Variants in CADM1 observed in about 807,000 individuals in gnomAD.
CADM1 encodes cell adhesion molecule 1, also known as TSLC-1.
CADM1 carries 15 observed loss-of-function variants against 53.1 expected under a neutral mutation model. The ratio of observed to expected loss-of-function variants is 0.28; its 90% CI spans 0.19 to 0.44. The LOEUF (loss-of-function observed/expected upper bound fraction) is 0.44. CADM1 is among the 20% of genes least tolerant of loss of function. The pLI, the probability that CADM1 is intolerant of heterozygous loss-of-function variation, is 1.00. For synonymous variants in CADM1, 281 were observed against 243.0 expected (o/e 1.16, Z -1.45); for missense variants, 434 against 611.3 (o/e 0.71, Z 3.06).
chr11:115,442,887 CA>C (rs1236986286), intron 1 of CADM1, among the ~76,000 whole-genome samples: 1 of 152,166 alleles, frequency 6.6e-6, no homozygotes, highest in Admixed American at 6.6e-5. Flanking sequence ...ACAAGGTTCC[CA>C]GCCAAAAGAA....
In CADM1 at chr11:115,174,515, A is replaced by G. The variant is rs986239576; in HGVS notation, c.*1959T>C. ...AGGGGTAAATAAAATGCTGCTCGAT[A>G]ATGGATTTTCTTTTACATACCAGTC... On this transcript the variant is annotated 3_prime_UTR_variant, in exon 12 of 12. Transcript: ENST00000331581. 2 of 985,600 alleles carry G rather than the reference A, an allele frequency of 2.0e-6. No homozygotes were observed. The highest frequency in any genetic ancestry group is 3.5e-5 in the African/African-American group (2 of 57,196). The allele number at this position is 985,600 out of a possible 1,614,324, so 61.1% of individuals were successfully genotyped here. A position where few individuals can be genotyped will look rare whatever the true frequency, so the allele number is the denominator to read the frequency against.
intron 1 of CADM1, chr11:115,397,632 A>G (rs1005022854): frequency 6.6e-6 from 1 of 152,220 alleles, no homozygotes; most frequent in Non-Finnish European, 1.5e-5. Flanking sequence ...TGAGAATAAC[A>G]GAGCATAAAA....
rs2134566319 is a variant in CADM1, at chr11:115,174,937, C to T, written c.*1537G>A. Reference sequence around the variant, plus strand: ...TTAAAACATGTAAATGGTAACGTGACTCCTCTACCTTTTCCCGAGGCTCCC... The same window carrying T: ...TTAAAACATGTAAATGGTAACGTGATTCCTCTACCTTTTCCCGAGGCTCCC... On this transcript the variant is annotated 3_prime_UTR_variant, in exon 12 of 12. Transcript: ENST00000331581. The T allele has an allele frequency of 1.0e-6, 1 of 985,598 alleles. No homozygotes were observed. The highest frequency in any genetic ancestry group is 1.7e-5 in the African/African-American group (1 of 57,304). The allele number at this position is 985,598 out of a possible 1,614,324, so 61.1% of individuals were successfully genotyped here.
rs1416166466 is a variant in CADM1, at chr11:115,472,802, T to C, written c.124+31469A>G. On this transcript the variant is annotated intron_variant, in intron 1 of 11. Coordinates refer to ENST00000331581, the MANE Select transcript of CADM1 (RefSeq NM_001301043.2). ...AAAGAAAAATGATATACAGCTACCT[T>C]GGATTTAGAAAAGAATATTATACCT... Among the ~76,000 whole-genome samples, 5 of 152,164 alleles carry C rather than the reference T, an allele frequency of 3.3e-5. 1 individual carries two copies. Among genetic ancestry groups the C allele is most frequent in the Admixed American group, 6.5e-5 (1 of 15,284 alleles).
intron 1 of CADM1, among the ~76,000 whole-genome samples, chr11:115,364,567 G>C (rs940535461): frequency 7.4e-6 from 1 of 135,810 alleles, no homozygotes; most frequent in African/African-American, 2.7e-5. Flanking sequence ...AAAAAAAAAA[G>C]CCTTTTTGTT....
intron 7 of CADM1, among the ~76,000 whole-genome samples, chr11:115,210,409 A>G (rs1345858820): frequency 6.6e-6 from 1 of 152,208 alleles, no homozygotes; most frequent in Non-Finnish European, 1.5e-5. Context: ...ATGAGACTCG[A>G]CCTTCAAAGC....
chr11:115,394,685 T>G (rs1312399404), intron 1 of CADM1, among the ~76,000 whole-genome samples: 3 of 152,170 alleles, frequency 2.0e-5, no homozygotes, highest in Non-Finnish European at 4.4e-5. Flanking sequence ...ACAGAGATGG[T>G]GCATAGTGTG....
intron 1 of CADM1, among the ~76,000 whole-genome samples, chr11:115,400,190 T>C (rs913661148): frequency 2.0e-5 from 3 of 151,996 alleles, no homozygotes; most frequent in Non-Finnish European, 4.4e-5. Flanking sequence ...GACCAAATAA[T>C]TACCAAGAAA....
Position 115,268,140 on chromosome 11 carries a change from TAGCCAAC to T in CADM1, c.125-27727_125-27721del, listed in dbSNP as rs553128164. On this transcript the variant is annotated intron_variant, in intron 1 of 11. Transcript: ENST00000331581. Reference sequence around the variant, plus strand: ...TGAATCATTCACACCACTGGCCTTGTAGCCAACAGCCCACATATTTGTGACGCAGCTG... The same window carrying T: ...TGAATCATTCACACCACTGGCCTTGTAGCCCACATATTTGTGACGCAGCTG... Among the ~76,000 whole-genome samples the T allele has an allele frequency of 5.1e-3, 781 of 152,308 alleles. 9 individuals carry two copies. Among genetic ancestry groups the T allele is most frequent in the African/African-American group, 0.018 (732 of 41,560 alleles).
intron 1 of CADM1, among the ~76,000 whole-genome samples, chr11:115,315,310 G>C (rs996012737): frequency 6.6e-5 from 10 of 152,134 alleles, no homozygotes; most frequent in Non-Finnish European, 1.5e-5. Flanking sequence ...TGATAGAAAA[G>C]ATGGCAAAAG....
intron 1 of CADM1, among the ~76,000 whole-genome samples, chr11:115,284,629 CCTTTT>C (rs760633883): frequency 1.3e-5 from 2 of 152,230 alleles, no homozygotes; most frequent in Non-Finnish European, 2.9e-5. Flanking sequence ...TCTAGTTCCT[CCTTTT>C]CTATTTTTTC....
At chr11:115,293,365 G>C (rs747722187) in intron 1 of CADM1, among the ~76,000 whole-genome samples, 6 of 152,110 alleles carry the variant, frequency 3.9e-5, no homozygotes, top group Admixed American at 1.3e-4. Context: ...CCCGGCAGGC[G>C]GAGCTTGCAG....
At chr11:115,255,995 A>T (rs1214518084) in intron 1 of CADM1, among the ~76,000 whole-genome samples, 1 of 152,242 alleles carries the variant, frequency 6.6e-6, no homozygotes. Context: ...CTGTCAGTTC[A>T]CAAGCGGTAG....
chr11:115,210,634 T>TG (rs1940915765), intron 7 of CADM1, among the ~76,000 whole-genome samples: 2 of 152,186 alleles, frequency 1.3e-5, no homozygotes, highest in African/African-American at 4.8e-5. Flanking sequence ...TTTGAAAGCT[T>TG]TTGATTTTAA....
chr11:115,400,663 A>ATATG (rs1947128267), intron 1 of CADM1, among the ~76,000 whole-genome samples: 1 of 7,290 alleles, frequency 1.4e-4, no homozygotes, highest in South Asian at 3.9e-3. Context: ...GTGTGTGTGT[A>ATATG]TATATATATA....
intron 1 of CADM1, among the ~76,000 whole-genome samples, chr11:115,405,639 A>G (rs1220245850): frequency 6.6e-6 from 1 of 152,256 alleles, no homozygotes; most frequent in Non-Finnish European, 1.5e-5. Flanking sequence ...TATATATAGC[A>G]GTGAAAATAA....
chr11:115,277,407 A>C lies in CADM1; in HGVS notation c.125-36987T>G, dbSNP rs141823636. 3.9e-4 allele frequency among the ~76,000 whole-genome samples: 60 copies of C among 152,314 alleles called. No individual in the cohort carries two copies. In the East Asian group the frequency reaches 0.011, roughly 27 times the overall value. ...TATCATTAATAATAATAACAACAAT[A>C]ATCTACAGTCCAGTGAAATTATGGG... On this transcript the variant is annotated intron_variant, in intron 1 of 11. Transcript: ENST00000331581.
chr11:115,387,131 G>T (rs955023211), intron 1 of CADM1, among the ~76,000 whole-genome samples: 4 of 152,162 alleles, frequency 2.6e-5, no homozygotes, highest in Admixed American at 2.6e-4. Context: ...GCTAAGGCTG[G>T]TCACAAGAAT....
At chr11:115,197,462 A>C (rs984523859) in intron 9 of CADM1, among the ~76,000 whole-genome samples, 2 of 1,120 alleles carry the variant, frequency 1.8e-3, no homozygotes, top group Non-Finnish European at 0.012. Context: ...ATCTTTTCTA[A>C]GCAGTCTTGT....
Sources: gnomAD v4.1 joint callset for allele counts (sites outside exome capture counted in the v4.1 genomes callset) on GRCh38, gnomAD v4.1.1 for gene constraint, MANE v1.5 for transcripts, NCBI Gene and HGNC (gene_info 2026-07-23, HGNC 2026-07-21) for gene names.